The following KIF6 variants were observed in gnomAD, a reference collection of about 807,000 sequenced individuals.
The protein encoded by KIF6 is kinesin family member 6.
A neutral mutation model predicts 112.7 loss-of-function variants in KIF6; 106 were observed. The observed-to-expected ratio is 0.94, with a 90% CI of 0.80 to 1.11. The LOEUF (loss-of-function observed/expected upper bound fraction) is 1.11, where lower values mean the gene tolerates loss of function less well. Among genes scored for constraint, KIF6 ranks in the 50% least tolerant of loss-of-function variants. KIF6 has a pLI of 0.00. For synonymous variants in KIF6, 339 were observed against 339.9 expected, an observed-to-expected ratio of 1.00 and a Z score of 0.03; for missense variants, 929 against 964.0, an observed-to-expected ratio of 0.96 and a Z score of 0.48.
chr6:39,689,380 C>T (rs1474691451), intron 3 of KIF6, among the ~76,000 whole-genome samples: 1 of 151,932 alleles, frequency 6.6e-6, no homozygotes, highest in Non-Finnish European at 1.5e-5. Flanking sequence ...CCTGTGGTCC[C>T]AGCTACTTAG....
At chr6:39,514,376 G>A (rs1003543587) in intron 13 of KIF6, among the ~76,000 whole-genome samples, 12 of 152,286 alleles carry the variant, frequency 7.9e-5, no homozygotes, top group Admixed American at 4.6e-4. Context: ...GGTACCAGCT[G>A]TAATCTAGCA....
intron 10 of KIF6, among the ~76,000 whole-genome samples, chr6:39,567,774 AT>A (rs1417175823): frequency 2.0e-5 from 3 of 151,928 alleles, no homozygotes; most frequent in Non-Finnish European, 2.9e-5. Flanking sequence ...CGCCTGGCTA[AT>A]TTTTTGTATT....
intron 15 of KIF6, among the ~76,000 whole-genome samples, chr6:39,415,301 TAAAAAAAAAAAAA>T (rs5875672): frequency 1.1e-5 from 1 of 89,458 alleles, no homozygotes; most frequent in Non-Finnish European, 2.2e-5. Flanking sequence ...TTTTAAAATG[TAAAAAAAAAAAAA>T]AAAAAAAAAA....
chr6:39,684,266 CCAAGG>C (rs1787712975), intron 3 of KIF6, among the ~76,000 whole-genome samples: 1 of 152,114 alleles, frequency 6.6e-6, no homozygotes, highest in Non-Finnish European at 1.5e-5. Flanking sequence ...CTTTGGGAGG[CCAAGG>C]CAGGTGGTTT....
At chr6:39,719,122 C>T (rs1016315112) in intron 2 of KIF6, among the ~76,000 whole-genome samples, 1 of 152,140 alleles carries the variant, frequency 6.6e-6, no homozygotes, top group African/African-American at 2.4e-5. Flanking sequence ...AGTTCGAGAC[C>T]AGCCTGGCCC....
intron 16 of KIF6, among the ~76,000 whole-genome samples, chr6:39,383,890 T>G (rs527253181): frequency 6.6e-6 from 1 of 152,358 alleles, no homozygotes; most frequent in African/African-American, 2.4e-5. Context: ...GATGCATTCC[T>G]AGGTATTTTA....
chr6:39,599,719 C>T (rs1485737061), intron 6 of KIF6, among the ~76,000 whole-genome samples: 1 of 152,136 alleles, frequency 6.6e-6, no homozygotes, highest in Non-Finnish European at 1.5e-5. Context: ...ATAAATCCTA[C>T]AATACTGTAA....
Position 39,449,658 on chromosome 6 carries a change from AC to A in KIF6, c.1646-18498del, listed in dbSNP as rs552822494. On this transcript the variant is annotated intron_variant, in intron 13 of 22. Coordinates refer to ENST00000287152, the MANE Select transcript of KIF6 (RefSeq NM_145027.6). The stretch of plus-strand genomic sequence containing the variant: ...TGGAATGAAAACTCCTCAGAGGCTA[AC>A]CTGTCCTGTTCAGTGCTCCTTCTCC... 8.9e-4 allele frequency among the ~76,000 whole-genome samples: 136 copies of A among 152,290 alleles called. 1 individual carries two copies. The highest frequency in any genetic ancestry group is 3.0e-3 in the African/African-American group (126 of 41,566).
chr6:39,692,166 T>G (rs144225941), intron 3 of KIF6, among the ~76,000 whole-genome samples: 2 of 152,088 alleles, frequency 1.3e-5, no homozygotes, highest in Non-Finnish European at 2.9e-5. Context: ...AACAAAAACA[T>G]AGATTCTTCA....
intron 3 of KIF6, among the ~76,000 whole-genome samples, chr6:39,684,441 C>G (rs1582444562): frequency 6.6e-6 from 1 of 152,086 alleles, no homozygotes; most frequent in East Asian, 1.9e-4. Flanking sequence ...CATGGAGAAA[C>G]CCTGTCTCTA....
chr6:39,332,991 C>G lies in KIF6; in HGVS notation c.*3541G>C, dbSNP rs962321707. 3 of 149,770 alleles carry G rather than the reference C, an allele frequency of 2.0e-5. No individual in the cohort carries two copies. Among genetic ancestry groups the G allele is most frequent in the Non-Finnish European group, 4.5e-5 (3 of 67,348 alleles). 9.3% of individuals were successfully genotyped at this position (149,770 alleles called of 1,614,324 possible). The stretch of plus-strand genomic sequence containing the variant: ...AAGTTGGAGCAATCATAGGGCTCCC[C>G]TCACTTGTTTCCCTTCTCTTGCGGA... On this transcript the variant is annotated 3_prime_UTR_variant, in exon 23 of 23. Coordinates refer to ENST00000287152, the MANE Select transcript of KIF6 (RefSeq NM_145027.6).
At chr6:39,534,456 G>A (rs1202223171) in intron 13 of KIF6, among the ~76,000 whole-genome samples, 1 of 152,174 alleles carries the variant, frequency 6.6e-6, no homozygotes, top group African/African-American at 2.4e-5. Flanking sequence ...GGAAGAAAGA[G>A]TATCAGTGAT....
intron 7 of KIF6, among the ~76,000 whole-genome samples, chr6:39,592,746 T>C (rs187272357): frequency 1.6e-3 from 244 of 152,312 alleles, no homozygotes; most frequent in Non-Finnish European, 3.0e-3. Flanking sequence ...GTACTGCATA[T>C]ACAAGGAGAA....
At chr6:39,346,405 C>A in intron 20 of KIF6, 71 bp downstream of exon 20, 1 of 716,044 alleles carries the variant, frequency 1.4e-6, no homozygotes, top group East Asian at 2.7e-5. Flanking sequence ...TGGAGAGCTC[C>A]CTTGCCCCTT....
chr6:39,405,400 T>A lies in KIF6; in HGVS notation c.1810+14548A>T, dbSNP rs191953243. 1.5e-3 allele frequency among the ~76,000 whole-genome samples: 222 copies of A among 152,294 alleles called. 1 individual carries two copies. The highest frequency in any genetic ancestry group is 3.7e-3 in the African/African-American group (155 of 41,580). On this transcript the variant is annotated intron_variant, in intron 15 of 22. Transcript: ENST00000287152. ...TGAGAAAGTTCCTTTGTATTCTAGTTTGCTGGAGTTTTTATTGTGATGAAT... is the reference window on the plus strand; with the variant it reads ...TGAGAAAGTTCCTTTGTATTCTAGTATGCTGGAGTTTTTATTGTGATGAAT...
chr6:39,580,904 T>C (rs1477294024), intron 9 of KIF6, among the ~76,000 whole-genome samples: 1 of 152,152 alleles, frequency 6.6e-6, no homozygotes, highest in Non-Finnish European at 1.5e-5. Context: ...CATTTTTTTC[T>C]TACAATATAC....
chr6:39,399,224 A>G (rs187648754), intron 15 of KIF6, among the ~76,000 whole-genome samples: 2 of 152,306 alleles, frequency 1.3e-5, no homozygotes, highest in Admixed American at 1.3e-4. Context: ...TGACTAATAC[A>G]GATGATGTGG....
intron 6 of KIF6, among the ~76,000 whole-genome samples, chr6:39,605,186 A>C (rs1180550946): frequency 6.6e-6 from 1 of 152,144 alleles, no homozygotes; most frequent in African/African-American, 2.4e-5. Flanking sequence ...ATGTCTGCCC[A>C]ACCCCCTGCT....
At chr6:39,451,037 C>G (rs557542738) in intron 13 of KIF6, among the ~76,000 whole-genome samples, 1 of 152,108 alleles carries the variant, frequency 6.6e-6, no homozygotes, top group Non-Finnish European at 1.5e-5. Context: ...AGTCCATTCT[C>G]TAATGCTGGA....
Sources: allele counts gnomAD v4.1 joint callset (sites outside exome capture counted in the v4.1 genomes callset), GRCh38; gene constraint gnomAD v4.1.1; transcripts MANE v1.5; gene names NCBI Gene and HGNC (gene_info 2026-07-23, HGNC 2026-07-21).